The following RYR3 variants were observed in gnomAD, a reference collection of about 807,000 sequenced individuals.
RYR3 encodes ryanodine receptor 3.
In RYR3, 207 loss-of-function variants were observed where a neutral mutation model predicts 584.3. The observed-to-expected ratio is 0.35, with a 90% CI of 0.32 to 0.40. The LOEUF (loss-of-function observed/expected upper bound fraction) is 0.40. Among genes scored for constraint, RYR3 ranks in the 10% least tolerant of loss-of-function variants. The pLI is 1.00. For synonymous variants in RYR3, 2,416 were observed against 2,248.5 expected, an observed-to-expected ratio of 1.07 and a Z score of -2.11; for missense variants, 5,616 against 6,089.2, an observed-to-expected ratio of 0.92 and a Z score of 2.59.
At chr15:33,792,640 C>T (rs2075232267) in intron 67 of RYR3, among the ~76,000 whole-genome samples, 1 of 152,222 alleles carries the variant, frequency 6.6e-6, no homozygotes, top group East Asian at 1.9e-4. Flanking sequence ...CCCCAATGTT[C>T]GTTTGGTGCA....
chr15:33,595,788 G>A (rs1172000708), intron 16 of RYR3, among the ~76,000 whole-genome samples: 2 of 151,996 alleles, frequency 1.3e-5, no homozygotes, highest in African/African-American at 4.8e-5. Context: ...CATACAGGAA[G>A]ATACATGGAT....
chr15:33,345,742 A>C (rs575932680), intron 1 of RYR3, among the ~76,000 whole-genome samples: 5 of 152,296 alleles, frequency 3.3e-5, no homozygotes, highest in African/African-American at 1.2e-4. Context: ...TGTTCAAGAG[A>C]AAATACATAG....
At chr15:33,371,816 G>T (rs1241921448) in intron 1 of RYR3, among the ~76,000 whole-genome samples, 1 of 152,176 alleles carries the variant, frequency 6.6e-6, no homozygotes, top group African/African-American at 2.4e-5. Context: ...CTAGATAGCT[G>T]CCTACAAGTC....
At chr15:33,827,144 C>G in intron 84 of RYR3, 55 bp from the exon 85 acceptor site, 1 of 1,408,596 alleles carries the variant, frequency 7.1e-7, no homozygotes, top group South Asian at 1.2e-5. Context: ...AGAGGGCATG[C>G]TTGGCCCCCT....
chr15:33,719,078 A>G (rs2067709361), intron 43 of RYR3, among the ~76,000 whole-genome samples: 1 of 152,196 alleles, frequency 6.6e-6, no homozygotes, highest in Admixed American at 6.5e-5. Flanking sequence ...TAATCATGCC[A>G]TCCTCTTTGC....
At chr15:33,425,975 A>G (rs971590462) in intron 1 of RYR3, among the ~76,000 whole-genome samples, 3 of 152,160 alleles carry the variant, frequency 2.0e-5, no homozygotes, top group African/African-American at 7.2e-5. Context: ...TAAAGAAAAT[A>G]TACTGATATG....
At chr15:33,845,461 C>A (rs550008473) in intron 93 of RYR3, among the ~76,000 whole-genome samples, 1 of 152,282 alleles carries the variant, frequency 6.6e-6, no homozygotes, top group Admixed American at 6.5e-5. Context: ...ACTATGTTGG[C>A]CAGGCTGGTC....
Position 33,864,246 on chromosome 15 carries a change from C to G in RYR3, c.14517+57C>G, listed in dbSNP as rs946709572. ...GATCTCCCTTTCCTAAATCTTGAGA[C>G]TTAGTAGGGCATAGGTTATCTGAAA... On this transcript the variant is annotated intron_variant, in intron 103 of 103. Transcript: ENST00000634891. 4 of 1,327,532 alleles carry G rather than the reference C, an allele frequency of 3.0e-6. No homozygotes were observed. The South Asian group carries it at 3.7e-5, about 12-fold the overall frequency. 82.2% of individuals were successfully genotyped at this position (1,327,532 alleles called of 1,614,324 possible).
chr15:33,409,386 A>G (rs2043244223), intron 1 of RYR3, among the ~76,000 whole-genome samples: 1 of 150,836 alleles, frequency 6.6e-6, no homozygotes, highest in African/African-American at 2.4e-5. Flanking sequence ...TTGTTCCCAG[A>G]GACACTACCT....
chr15:33,699,783 C>T lies in RYR3; in HGVS notation c.6329C>T (p.Ala2110Val), dbSNP rs2066166443. The T allele has an allele frequency of 6.2e-7, 1 of 1,613,678 alleles. No individual in the cohort carries two copies. The highest frequency in any genetic ancestry group is 1.6e-4 in the Middle Eastern group (1 of 6,084). Residue 2110 changes from alanine (A) to valine (V), a missense_variant, in exon 41 of 104, where the codon GCC (alanine) becomes GTC (valine). Physicochemically the swap from Ala to Val is moderately conservative, Grantham distance 64. Coordinates refer to ENST00000634891, the MANE Select transcript of RYR3 (RefSeq NM_001036.6). ...CGAATTAGCCGGCAAAATCAGAAGGCCATGTTTGAGCATCTGAGTTATCTT... is the reference window on the plus strand; with the variant it reads ...CGAATTAGCCGGCAAAATCAGAAGGTCATGTTTGAGCATCTGAGTTATCTT... ...FCRISRQNQK[A>V]MFEHLSYLLE...
chr15:33,634,254 G>A (rs757548910), intron 24 of RYR3, among the ~76,000 whole-genome samples: 39 of 152,024 alleles, frequency 2.6e-4, no homozygotes, highest in Non-Finnish European at 2.6e-4. Context: ...GTTTCACCAT[G>A]TTGGCAGACT....
At chr15:33,803,540 G>A (rs1288052179) in intron 69 of RYR3, among the ~76,000 whole-genome samples, 1 of 151,800 alleles carries the variant, frequency 6.6e-6, no homozygotes, top group Admixed American at 6.6e-5. Flanking sequence ...TTTTTGAGAT[G>A]GAGTCTCACT....
chr15:33,716,130 A>G (rs1363122097), intron 43 of RYR3, among the ~76,000 whole-genome samples: 1 of 152,104 alleles, frequency 6.6e-6, no homozygotes, highest in Admixed American at 6.5e-5. Flanking sequence ...ATCTTCTGCT[A>G]TGAGTAAAAG....
intron 46 of RYR3, 28 bp from the exon 47 acceptor site, chr15:33,728,829 G>A (rs1424167026): frequency 1.3e-6 from 2 of 1,599,044 alleles, no homozygotes; most frequent in African/African-American, 2.7e-5. Context: ...CAGGAAAAGG[G>A]AAATTACATT....
chr15:33,837,066 T>C (rs2078096840), intron 88 of RYR3, 79 bp downstream of exon 88: 1 of 1,187,324 alleles, frequency 8.4e-7, no homozygotes, highest in African/African-American at 1.5e-5. Context: ...ATGCAGATTA[T>C]CCTTCTGGCA....
chr15:33,527,809 C>G (rs1433840388), intron 3 of RYR3, among the ~76,000 whole-genome samples: 3 of 152,108 alleles, frequency 2.0e-5, no homozygotes, highest in Non-Finnish European at 2.9e-5. Context: ...GCTGCCGTGA[C>G]TGAAAGGAGG....
chr15:33,454,749 A>G (rs1421782264), intron 1 of RYR3, among the ~76,000 whole-genome samples: 1 of 152,196 alleles, frequency 6.6e-6, no homozygotes, highest in Non-Finnish European at 1.5e-5. Context: ...AGAACAGCAT[A>G]TACAAGGGCT....
At chr15:33,624,862 C>T (rs2060904054) in intron 20 of RYR3, among the ~76,000 whole-genome samples, 1 of 152,146 alleles carries the variant, frequency 6.6e-6, no homozygotes, top group African/African-American at 2.4e-5. Flanking sequence ...ATCATTTCCC[C>T]AATATAGCTC....
intron 38 of RYR3, among the ~76,000 whole-genome samples, chr15:33,688,320 TC>T (rs2065163099): frequency 6.6e-6 from 1 of 152,096 alleles, no homozygotes; most frequent in Non-Finnish European, 1.5e-5. Flanking sequence ...ACACCTGTAA[TC>T]CCAGCACTTT....
Sources: gnomAD v4.1 joint callset for allele counts (sites outside exome capture counted in the v4.1 genomes callset) on GRCh38, gnomAD v4.1.1 for gene constraint, MANE v1.5 for transcripts, NCBI Gene and HGNC (gene_info 2026-07-23, HGNC 2026-07-21) for gene names.